Variants in CES5A observed in about 807,000 individuals in gnomAD.
The protein encoded by CES5A is carboxylesterase 5.
In CES5A, 67 loss-of-function variants were observed where a neutral mutation model predicts 62.9. That is an observed-to-expected ratio of 1.07 (90% CI 0.88 to 1.31). CES5A has a LOEUF of 1.31. CES5A is among the 50% of genes most tolerant of loss of function. The pLI is 0.00. For missense variants in CES5A, 748 were observed against 708.5 expected, an observed-to-expected ratio of 1.06 and a Z score of -0.63; for synonymous variants, 296 against 280.8, an observed-to-expected ratio of 1.05 and a Z score of -0.54.
At position 55,850,976 on chromosome 16, in the gene CES5A, T is replaced by A. The variant is rs566539406; in HGVS notation, c.1274-1203A>T. On this transcript the variant is annotated intron_variant, in intron 10 of 12. Transcript: ENST00000290567. ...AAAGGTAGATTCTTCCCTCATAGTATATAGAAAAACTAACTCAAAATGGAT... is the reference window on the plus strand; with the variant it reads ...AAAGGTAGATTCTTCCCTCATAGTAAATAGAAAAACTAACTCAAAATGGAT... Among the ~76,000 whole-genome samples, 156 of 152,278 alleles carry A rather than the reference T, an allele frequency of 1.0e-3. 1 individual carries two copies. The highest frequency in any genetic ancestry group is 1.9e-3 in the South Asian group (9 of 4,818).
At chr16:55,868,616 C>G (rs1176393152) in intron 4 of CES5A, among the ~76,000 whole-genome samples, 8 of 152,202 alleles carry the variant, frequency 5.3e-5, no homozygotes, top group African/African-American at 1.7e-4. Flanking sequence ...CCTGCATTAT[C>G]TCTCCCATAG....
intron 10 of CES5A, among the ~76,000 whole-genome samples, 182 bp from the exon 11 acceptor site, chr16:55,849,955 G>T (rs534334630): frequency 4.1e-4 from 62 of 152,324 alleles, no homozygotes; most frequent in African/African-American, 1.3e-3. Context: ...CATATCCCTA[G>T]TGATGAAGAG....
intron 6 of CES5A, 77 bp from the exon 7 acceptor site, chr16:55,861,593 C>A: frequency 1.0e-6 from 1 of 998,994 alleles, no homozygotes; most frequent in Non-Finnish European, 1.6e-6. Flanking sequence ...AAATGCCCTC[C>A]AATCAGCCAC....
At chr16:55,938,950 T>A (rs1199209438) in intron 2 of CES5A, among the ~76,000 whole-genome samples, 1 of 151,282 alleles carries the variant, frequency 6.6e-6, no homozygotes, top group Non-Finnish European at 1.5e-5. Flanking sequence ...TAATTTGTTT[T>A]GTTTTGTGTT....
intron 1 of CES5A, among the ~76,000 whole-genome samples, chr16:55,953,869 TGTCA>T (rs2142490401): frequency 6.6e-6 from 1 of 152,336 alleles, no homozygotes; most frequent in South Asian, 2.1e-4. Flanking sequence ...CTCAAGCATC[TGTCA>T]GTTATTTGTG....
chr16:55,918,438 T>C (rs1432305735), intron 1 of CES5A, among the ~76,000 whole-genome samples: 6 of 152,210 alleles, frequency 3.9e-5, no homozygotes, highest in African/African-American at 1.2e-4. Context: ...GAGAGGCCTT[T>C]CCTGGATTTA....
At chr16:55,892,297 T>C (rs116065413) in intron 1 of CES5A, among the ~76,000 whole-genome samples, 1,604 of 152,314 alleles carry the variant, frequency 0.011, 37 homozygotes, top group African/African-American at 0.036. Context: ...CCCACCTTTC[T>C]GGACCAAACC....
intron 1 of CES5A, among the ~76,000 whole-genome samples, chr16:55,918,334 T>A (rs1024099277): frequency 6.6e-6 from 1 of 152,184 alleles, no homozygotes; most frequent in Admixed American, 6.5e-5. Flanking sequence ...TTCTTGAATA[T>A]GTCCAACTAC....
At chr16:55,891,635 A>G (rs2033879706) in intron 1 of CES5A, among the ~76,000 whole-genome samples, 1 of 152,186 alleles carries the variant, frequency 6.6e-6, no homozygotes, top group Admixed American at 6.5e-5. Context: ...CTTTCCAAAG[A>G]AGGCAATCAT....
Position 55,846,247 on chromosome 16 carries a change from T to A in CES5A, c.*204A>T. On this transcript the variant is annotated 3_prime_UTR_variant, in exon 13 of 13. Coordinates refer to ENST00000290567, the MANE Select transcript of CES5A (RefSeq NM_001143685.2). ...CCCTCTTCCAAATTTATTGAAGAAA[T>A]CTTGTTGCCTTCCAAGACAAATTGC... 1 of 590,400 alleles carries A rather than the reference T, an allele frequency of 1.7e-6. No homozygotes were observed. The highest frequency in any genetic ancestry group is 3.0e-6 in the Non-Finnish European group (1 of 333,426). 36.6% of individuals were successfully genotyped at this position (590,400 alleles called of 1,614,324 possible).
chr16:55,948,175 A>T (rs2034517224), intron 2 of CES5A, among the ~76,000 whole-genome samples: 1 of 152,158 alleles, frequency 6.6e-6, no homozygotes, highest in African/African-American at 2.4e-5. Flanking sequence ...CCACAATAGG[A>T]TCTGTGGCTC....
At chr16:55,902,084 T>C (rs558889051) in intron 1 of CES5A, among the ~76,000 whole-genome samples, 2 of 152,336 alleles carry the variant, frequency 1.3e-5, no homozygotes, top group Admixed American at 6.5e-5. Flanking sequence ...TGCTGAATAC[T>C]GCTTTGATCC....
chr16:55,859,985 C>T (rs533933744), intron 7 of CES5A, among the ~76,000 whole-genome samples: 16 of 152,260 alleles, frequency 1.1e-4, no homozygotes, highest in Non-Finnish European at 2.1e-4. Flanking sequence ...TTGGCTGTGT[C>T]CCCACCCAAA....
intron 2 of CES5A, chr16:55,949,773 C>A (rs2034534235): frequency 7.2e-7 from 1 of 1,379,742 alleles, no homozygotes; most frequent in South Asian, 1.4e-5. Context: ...AAATTCTTGT[C>A]AAACAACTCA....
intron 1 of CES5A, among the ~76,000 whole-genome samples, chr16:55,894,875 T>A (rs1321470692): frequency 6.6e-6 from 1 of 151,832 alleles, no homozygotes. Context: ...GAAAAAAGAG[T>A]CCCTTGTTGT....
At chr16:55,891,369 A>G (rs1015982825) in intron 1 of CES5A, among the ~76,000 whole-genome samples, 1 of 152,202 alleles carries the variant, frequency 6.6e-6, no homozygotes, top group Admixed American at 6.5e-5. Flanking sequence ...TTCGAGTGCT[A>G]TTTCTTTTGC....
At chr16:55,931,603 A>T (rs1335870464) in intron 2 of CES5A, among the ~76,000 whole-genome samples, 1 of 152,138 alleles carries the variant, frequency 6.6e-6, no homozygotes, top group Non-Finnish European at 1.5e-5. Context: ...TCCTTTATGC[A>T]TGCCACTTCT....
intron 1 of CES5A, among the ~76,000 whole-genome samples, chr16:55,893,372 CAAGT>C (rs2033900538): frequency 6.6e-6 from 1 of 151,694 alleles, no homozygotes; most frequent in African/African-American, 2.4e-5. Context: ...AATCAAAAGA[CAAGT>C]AAGGTCAATA....
Position 55,938,020 on chromosome 16 carries a change from CT to C in CES5A, c.160+11764del, listed in dbSNP as rs202221909. Reference sequence around the variant, plus strand: ...TTCCTTTCCCATTTTTAAAAATCATCTTTTTTTCTACCCACAACAATTTTCT... The same window carrying C: ...TTCCTTTCCCATTTTTAAAAATCATCTTTTTTCTACCCACAACAATTTTCT... On this transcript the variant is annotated intron_variant, in intron 2 of 13. Transcript: ENST00000521992. 8.7e-3 allele frequency among the ~76,000 whole-genome samples: 1,322 copies of C among 152,232 alleles called. 18 individuals are homozygous for C. The highest frequency in any genetic ancestry group is 0.03 in the African/African-American group (1,233 of 41,546).
Sources: gnomAD v4.1 joint callset for allele counts (sites outside exome capture counted in the v4.1 genomes callset) on GRCh38, gnomAD v4.1.1 for gene constraint, MANE v1.5 for transcripts, NCBI Gene and HGNC (gene_info 2026-07-23, HGNC 2026-07-21) for gene names.